Variants in STK3 observed in about 807,000 individuals in gnomAD.
STK3 encodes serine/threonine kinase 3.
A neutral mutation model predicts 58.0 loss-of-function variants in STK3; 41 were observed. That is an observed-to-expected ratio of 0.71 (90% confidence interval 0.55 to 0.92). STK3 has a LOEUF of 0.92. Ranked by LOEUF, STK3 falls within the 40% of genes least tolerant of loss-of-function variation. The pLI is 0.00. For missense variants in STK3, 479 were observed against 602.7 expected (o/e 0.79, Z 2.15); for synonymous variants, 170 against 191.0 (o/e 0.89, Z 0.91).
chr8:98,364,525 T>A, the STK3 span, among the ~76,000 whole-genome samples: 1 of 152,234 alleles, frequency 6.6e-6, no homozygotes, highest in Non-Finnish European at 1.5e-5. Context: ...TCCTTAACAG[T>A]GACCTCTGTC....
chr8:98,467,861 C>T (rs776171864), intron 10 of STK3, among the ~76,000 whole-genome samples: 5 of 152,164 alleles, frequency 3.3e-5, no homozygotes, highest in Non-Finnish European at 7.3e-5. Flanking sequence ...GAGCATCATT[C>T]TTACTAATGT....
intron 6 of STK3, among the ~76,000 whole-genome samples, chr8:98,617,690 T>C (rs1402457165): frequency 1.1e-4 from 17 of 151,582 alleles, no homozygotes; most frequent in East Asian, 1.9e-4. Flanking sequence ...AACACCTCTA[T>C]GCAAATAAAC....
intron 8 of STK3, among the ~76,000 whole-genome samples, chr8:98,566,704 T>C (rs181899815): frequency 6.6e-6 from 1 of 152,198 alleles, no homozygotes; most frequent in East Asian, 1.9e-4. Context: ...TGGAAACAGC[T>C]ACAGTAAAAG....
At position 98,585,352 on chromosome 8, in the gene STK3, A is replaced by G. The variant is rs577463043; in HGVS notation, c.823-5563T>C. 9.0e-3 allele frequency among the ~76,000 whole-genome samples: 1,363 copies of G among 152,208 alleles called. 16 individuals are homozygous for G. The highest frequency in any genetic ancestry group is 0.031 in the African/African-American group (1,286 of 41,460). ...TCCCAGCACCATTTATTAAATAGGG[A>G]ATCCTTTCCCCATTGCTTGTTTTTC... On this transcript the variant is annotated intron_variant, in intron 7 of 10. Transcript: ENST00000419617.
intron 6 of STK3, among the ~76,000 whole-genome samples, chr8:98,618,572 C>T (rs1284718443): frequency 6.7e-6 from 1 of 148,338 alleles, no homozygotes; most frequent in Non-Finnish European, 1.5e-5. Context: ...ACCCCATTGT[C>T]TCAGCCCAAA....
chr8:98,635,381 T>A (rs1265956487), intron 6 of STK3, among the ~76,000 whole-genome samples: 1 of 152,180 alleles, frequency 6.6e-6, no homozygotes, highest in East Asian at 1.9e-4. Flanking sequence ...CAAAACCCTA[T>A]GAGGAAGTAT....
At chr8:98,763,972 G>A (rs1383625481) in intron 3 of STK3, among the ~76,000 whole-genome samples, 1 of 152,144 alleles carries the variant, frequency 6.6e-6, no homozygotes, top group East Asian at 1.9e-4. Flanking sequence ...ACCATGCCCG[G>A]CCCTAATTTA....
intron 10 of STK3, among the ~76,000 whole-genome samples, chr8:98,457,363 C>T (rs755350506): frequency 5.9e-5 from 9 of 152,184 alleles, no homozygotes; most frequent in Non-Finnish European, 1.2e-4. Context: ...GTAATGGCCA[C>T]ATTGAAAGGC....
chr8:98,620,163 G>A lies in STK3; in HGVS notation c.685-23994C>T, dbSNP rs1363271288. Among the ~76,000 whole-genome samples, 13 of 60,134 alleles carry A rather than the reference G, an allele frequency of 2.2e-4. No homozygotes were observed. In the South Asian group the frequency reaches 6.2e-3, roughly 29 times the overall value. 39.5% of individuals were successfully genotyped at this position (60,134 alleles called of 152,430 possible). A position where few individuals can be genotyped will look rare whatever the true frequency, so the allele number is the denominator to read the frequency against. On this transcript the variant is annotated intron_variant, in intron 6 of 10. Coordinates refer to ENST00000419617, the MANE Select transcript of STK3 (RefSeq NM_006281.4). The stretch of plus-strand genomic sequence containing the variant: ...AAAAAATGATGAGTTCATGTCCTTT[G>A]TAGGGACATGGATGAAATTGGAAAC...
intron 6 of STK3, among the ~76,000 whole-genome samples, chr8:98,680,816 A>G (rs1823575247): frequency 6.6e-6 from 1 of 152,242 alleles, no homozygotes; most frequent in Admixed American, 6.5e-5. Context: ...ATAAGATGGA[A>G]TAACTTCCAA....
At chr8:98,663,024 T>G (rs909835989) in intron 6 of STK3, among the ~76,000 whole-genome samples, 2 of 152,012 alleles carry the variant, frequency 1.3e-5, no homozygotes, top group Non-Finnish European at 2.9e-5. Context: ...CCAAAATTGA[T>G]AAATGGGATC....
intron 1 of STK3, among the ~76,000 whole-genome samples, chr8:98,448,059 T>C (rs1770032995): frequency 6.6e-6 from 1 of 151,604 alleles, no homozygotes; most frequent in Admixed American, 6.6e-5. Context: ...CCTGACACAT[T>C]CAAATTCAAA....
chr8:98,650,542 C>T (rs917553950), intron 6 of STK3, among the ~76,000 whole-genome samples: 2 of 152,210 alleles, frequency 1.3e-5, no homozygotes, highest in Non-Finnish European at 2.9e-5. Flanking sequence ...AGAGGTATTG[C>T]CTCACTCGGG....
chr8:98,514,059 G>A (rs564735603), intron 10 of STK3, among the ~76,000 whole-genome samples: 3 of 152,098 alleles, frequency 2.0e-5, no homozygotes, highest in Non-Finnish European at 4.4e-5. Flanking sequence ...AGATAACCAC[G>A]TTCACTCAGA....
intron 1 of STK3, chr8:98,905,023 C>T: frequency 1.2e-6 from 1 of 832,430 alleles, no homozygotes; most frequent in Non-Finnish European, 2.1e-6. Context: ...GCTGCATATG[C>T]ATCGTTGTAA....
At chr8:98,357,927 C>G in the STK3 span, among the ~76,000 whole-genome samples, 1 of 152,172 alleles carries the variant, frequency 6.6e-6, no homozygotes, top group Non-Finnish European at 1.5e-5. Flanking sequence ...ATCTGGGGCT[C>G]AGCTTCAGCT....
chr8:98,394,042 A>G, intron 3 of STK3, among the ~76,000 whole-genome samples: 1 of 152,170 alleles, frequency 6.6e-6, no homozygotes, highest in East Asian at 1.9e-4. Flanking sequence ...CAGTCAATGG[A>G]TAGAGACAGG....
intron 10 of STK3, among the ~76,000 whole-genome samples, chr8:98,476,116 G>T (rs1057074771): frequency 2.6e-5 from 4 of 152,140 alleles, no homozygotes; most frequent in African/African-American, 9.7e-5. Flanking sequence ...CTGGAAGTTT[G>T]TATTCAAAAC....
chr8:98,351,937 A>T, the STK3 span, among the ~76,000 whole-genome samples: 1 of 152,064 alleles, frequency 6.6e-6, no homozygotes, highest in Non-Finnish European at 1.5e-5. Flanking sequence ...TGGTGGGTGG[A>T]TCATGAGGTC....
Sources: allele counts gnomAD v4.1 joint callset (sites outside exome capture counted in the v4.1 genomes callset), GRCh38; gene constraint gnomAD v4.1.1; transcripts MANE v1.5; gene names NCBI Gene and HGNC (gene_info 2026-07-23, HGNC 2026-07-21).